Variants in ABLIM1 observed in about 807,000 individuals in gnomAD.
ABLIM1 encodes actin-binding LIM protein 1.
Under a neutral mutation model 107.0 loss-of-function variants are expected in ABLIM1, and 40 were observed. The ratio of observed to expected loss-of-function variants is 0.37; its 90% CI spans 0.29 to 0.49. ABLIM1 has a LOEUF of 0.49. ABLIM1 is among the 20% of genes least tolerant of loss of function. The pLI is 0.97. For missense variants in ABLIM1, 857 were observed against 1,008.5 expected (o/e 0.85, Z 2.04); for synonymous variants, 357 against 357.3 (o/e 1.00, Z 0.01).
At chr10:114,633,271 G>A (rs1270384100) in intron 1 of ABLIM1, among the ~76,000 whole-genome samples, 1 of 152,180 alleles carries the variant, frequency 6.6e-6, no homozygotes, top group African/African-American at 2.4e-5. Context: ...TTGACTCAGA[G>A]GGTGTGTATG....
At chr10:114,738,096 T>G (rs2082217727) in intron 1 of ABLIM1, among the ~76,000 whole-genome samples, 1 of 152,204 alleles carries the variant, frequency 6.6e-6, no homozygotes, top group South Asian at 2.1e-4. Flanking sequence ...TCGCCCAGAC[T>G]GGAGTGCAGT....
intron 1 of ABLIM1, among the ~76,000 whole-genome samples, chr10:114,650,011 A>G (rs945956303): frequency 2.0e-5 from 3 of 151,988 alleles, no homozygotes; most frequent in South Asian, 2.1e-4. Context: ...GCCCACCACC[A>G]TGCCAGGCTA....
intron 4 of ABLIM1, among the ~76,000 whole-genome samples, chr10:114,569,369 G>A (rs2071302058): frequency 6.6e-6 from 1 of 151,512 alleles, no homozygotes; most frequent in South Asian, 2.1e-4. Flanking sequence ...GCCCAGGCTG[G>A]AGTGCAGTGG....
chr10:114,481,708 A>G (rs907664487), intron 8 of ABLIM1, among the ~76,000 whole-genome samples: 4 of 152,210 alleles, frequency 2.6e-5, no homozygotes, highest in African/African-American at 9.6e-5. Context: ...CCGTTATTAC[A>G]TGAAATCTTT....
At chr10:114,598,734 A>G (rs563061086) in intron 2 of ABLIM1, among the ~76,000 whole-genome samples, 8 of 152,338 alleles carry the variant, frequency 5.3e-5, no homozygotes, top group African/African-American at 1.9e-4. Flanking sequence ...AATATTTTAG[A>G]TAGGGTTAAA....
At chr10:114,559,732 A>C (rs1591203393) in intron 4 of ABLIM1, among the ~76,000 whole-genome samples, 1 of 152,238 alleles carries the variant, frequency 6.6e-6, no homozygotes. Flanking sequence ...ATCTTTTTGC[A>C]GGGAGACAGA....
At chr10:114,750,124 C>T (rs1464512289) in intron 1 of ABLIM1, among the ~76,000 whole-genome samples, 1 of 152,142 alleles carries the variant, frequency 6.6e-6, no homozygotes, top group Non-Finnish European at 1.5e-5. Context: ...GCTCCTAAAA[C>T]AGCAGGTGCT....
intron 2 of ABLIM1, among the ~76,000 whole-genome samples, chr10:114,581,636 T>C (rs1413186431): frequency 1.3e-5 from 2 of 152,186 alleles, no homozygotes; most frequent in Admixed American, 6.6e-5. Flanking sequence ...TTGAGCAACA[T>C]GAGCATTTTA....
intron 6 of ABLIM1, among the ~76,000 whole-genome samples, chr10:114,543,024 G>A (rs903445563): frequency 2.0e-5 from 3 of 152,180 alleles, no homozygotes; most frequent in African/African-American, 2.4e-5. Context: ...CTGTGTGTGC[G>A]GAGGGTGGGG....
chr10:114,566,756 C>G (rs889790232), intron 4 of ABLIM1, among the ~76,000 whole-genome samples: 3 of 152,064 alleles, frequency 2.0e-5, no homozygotes, highest in African/African-American at 7.2e-5. Context: ...GAATAACTTC[C>G]TAATGATTTT....
intron 6 of ABLIM1, among the ~76,000 whole-genome samples, chr10:114,492,379 T>A (rs1014497716): frequency 6.6e-6 from 1 of 152,228 alleles, no homozygotes; most frequent in African/African-American, 2.4e-5. Context: ...TGTTTTTATC[T>A]CAAGGGGGGC....
chr10:114,756,324 A>AT (rs1331713702), intron 1 of ABLIM1, among the ~76,000 whole-genome samples: 1 of 152,070 alleles, frequency 6.6e-6, no homozygotes. Flanking sequence ...ATAGTTTCAT[A>AT]TTGCTTTTTA....
intron 4 of ABLIM1, among the ~76,000 whole-genome samples, chr10:114,550,477 C>T (rs2067927933): frequency 2.0e-5 from 3 of 152,096 alleles, no homozygotes; most frequent in Non-Finnish European, 2.9e-5. Flanking sequence ...AGTCCCTCCC[C>T]GTGCACAGCC....
intron 1 of ABLIM1, among the ~76,000 whole-genome samples, chr10:114,625,793 A>G (rs779107440): frequency 6.6e-6 from 1 of 152,176 alleles, no homozygotes; most frequent in African/African-American, 2.4e-5. Flanking sequence ...AAAAATGGAT[A>G]GAAAATTTAG....
At chr10:114,601,322 T>C (rs915813443) in intron 2 of ABLIM1, among the ~76,000 whole-genome samples, 3 of 151,466 alleles carry the variant, frequency 2.0e-5, no homozygotes, top group African/African-American at 7.3e-5. Flanking sequence ...TGGAGTGCAA[T>C]GACACAATCT....
chr10:114,690,124 GA>G, intron 1 of ABLIM1: 1 of 1,272,358 alleles, frequency 7.9e-7, no homozygotes, highest in Non-Finnish European at 1.1e-6. Context: ...TGGTGGTTAA[GA>G]TAAAACACAA....
At chr10:114,473,367 A>G (rs2066952926) in intron 9 of ABLIM1, among the ~76,000 whole-genome samples, 1 of 152,196 alleles carries the variant, frequency 6.6e-6, no homozygotes, top group Non-Finnish European at 1.5e-5. Flanking sequence ...AATTCATGAA[A>G]TAGATAAATG....
chr10:114,567,035 C>A (rs1186708244), intron 4 of ABLIM1, among the ~76,000 whole-genome samples: 7 of 152,178 alleles, frequency 4.6e-5, no homozygotes, highest in Admixed American at 4.6e-4. Flanking sequence ...GGCGACAGAG[C>A]GAGACTCTGT....
At chr10:114,790,803 G>C in the ABLIM1 span, among the ~76,000 whole-genome samples, 3 of 152,160 alleles carry the variant, frequency 2.0e-5, no homozygotes, top group Non-Finnish European at 4.4e-5. Flanking sequence ...AGAAAATAAA[G>C]CTTATAAGAA....
Sources: gnomAD v4.1 joint callset for allele counts (sites outside exome capture counted in the v4.1 genomes callset) on GRCh38, gnomAD v4.1.1 for gene constraint, MANE v1.5 for transcripts, NCBI Gene and HGNC (gene_info 2026-07-23, HGNC 2026-07-21) for gene names.